The following KIFC3 variants were observed in gnomAD, a reference collection of about 807,000 sequenced individuals.
The protein encoded by KIFC3 is kinesin-like protein KIFC3.
In KIFC3, 60 loss-of-function variants were observed where a neutral mutation model predicts 101.8. That is an observed-to-expected ratio of 0.59 (90% confidence interval 0.48 to 0.73). KIFC3 has a LOEUF of 0.73. Among genes scored for constraint, KIFC3 ranks in the 30% least tolerant of loss-of-function variants. The pLI, the probability that KIFC3 is intolerant of heterozygous loss-of-function variation, is 0.00. For missense variants in KIFC3, 966 were observed against 1,137.1 expected (o/e 0.85, Z 2.16); for synonymous variants, 476 against 482.7 (o/e 0.99, Z 0.18).
At chr16:57,844,540 G>A (rs1343812654) in intron 1 of KIFC3, among the ~76,000 whole-genome samples, 3 of 152,018 alleles carry the variant, frequency 2.0e-5, no homozygotes, top group Non-Finnish European at 4.4e-5. Context: ...GATGCACCCT[G>A]GGGAGGGGGA....
chr16:57,801,721 C>G (rs1346254709), intron 1 of KIFC3, among the ~76,000 whole-genome samples: 2 of 152,218 alleles, frequency 1.3e-5, no homozygotes, highest in Non-Finnish European at 2.9e-5. Flanking sequence ...ACACAGCTTC[C>G]TCTTTAATAT....
intron 1 of KIFC3, among the ~76,000 whole-genome samples, chr16:57,854,908 AAAT>A (rs2056132392): frequency 6.6e-6 from 1 of 152,088 alleles, no homozygotes; most frequent in Admixed American, 6.6e-5. Flanking sequence ...ACACACTTCT[AAAT>A]AATCCATGAA....
At chr16:57,786,100 C>A (rs1433252760) in intron 3 of KIFC3, among the ~76,000 whole-genome samples, 3 of 152,170 alleles carry the variant, frequency 2.0e-5, no homozygotes, top group Non-Finnish European at 4.4e-5. Context: ...AAGAGTGGGG[C>A]TCCCCAGCCT....
At chr16:57,762,921 C>T (rs114953636) in intron 12 of KIFC3, among the ~76,000 whole-genome samples, 6 of 151,894 alleles carry the variant, frequency 4.0e-5, no homozygotes, top group Admixed American at 2.0e-4. Flanking sequence ...CCCTCTGCCC[C>T]GGGTACTCCT....
At position 57,810,661 on chromosome 16, in the gene KIFC3, G is replaced by A. The variant is rs140901453; in HGVS notation, c.109-12379C>T. The stretch of plus-strand genomic sequence containing the variant: ...TGTGCAGGGCCCTGAATGCCAGGAC[G>A]GGAATTTAATCTAATTCAACTTCAG... On this transcript the variant is annotated intron_variant, in intron 1 of 2. Transcript: ENST00000563028. The A allele has an allele frequency of 5.4e-5, 53 of 985,514 alleles. No homozygotes were observed. In the East Asian group the frequency reaches 4.4e-3, roughly 82 times the overall value. The allele number at this position is 985,514 out of a possible 1,614,324, so 61.0% of individuals were successfully genotyped here. A position where few individuals can be genotyped will look rare whatever the true frequency, so the allele number is the denominator to read the frequency against.
chr16:57,802,691 C>T (rs2054821927), upstream of KIFC3: 2 of 890,264 alleles, frequency 2.2e-6, no homozygotes, highest in East Asian at 3.1e-5. The surrounding 1 kb of genome is among the most constrained non-coding windows in gnomAD (Gnocchi z 5.0). Context: ...GCCTCCCACT[C>T]GGTCTCTCCC....
Position 57,771,411 on chromosome 16 carries a change from C to T in KIFC3, c.552G>A (p.Leu184=), listed in dbSNP as rs564061364. 39 of 1,613,520 alleles carry T rather than the reference C, an allele frequency of 2.4e-5. No individual in the cohort carries two copies. The highest frequency in any genetic ancestry group is 3.1e-5 in the Non-Finnish European group (36 of 1,180,050). ...CCGCCATCTCCAGCTGCAGCTGGGA[C>T]AGCTTGTCACGGAGCTGGGCGCTCT... ...SQESAQLRDK[L]SQLQLEMAES... The change falls in exon 6 of 20, where the codon CTG becomes CTA. Residue 184 remains leucine, a synonymous_variant. Transcript: ENST00000445690.
Position 57,761,224 on chromosome 16 carries a change from A to G in KIFC3, c.1873-53T>C. 3 of 1,605,030 alleles carry G rather than the reference A, an allele frequency of 1.9e-6. No homozygotes were observed. The South Asian group carries it at 3.3e-5, about 18-fold the overall frequency. On this transcript the variant is annotated intron_variant, in intron 14 of 19. Coordinates refer to ENST00000445690, the MANE Select transcript of KIFC3 (RefSeq NM_001130100.2). ...ACAGCGTTGAGAATGGGGTCCTCAG[A>G]GTCACCTGGCCCCAAGCACCCATGA...
intron 3 of KIFC3, among the ~76,000 whole-genome samples, chr16:57,790,081 T>TC (rs1555619718): frequency 4.6e-4 from 54 of 116,422 alleles, no homozygotes; most frequent in Admixed American, 9.2e-4. Context: ...TTTCTTTCTT[T>TC]TTTTTTTTTT....
Position 57,760,307 on chromosome 16 carries a change from G to A in KIFC3, c.2342C>T (p.Ser781Phe). The A allele has an allele frequency of 6.2e-7, 1 of 1,613,680 alleles. No homozygotes were observed. The highest frequency in any genetic ancestry group is 1.7e-4 in the Middle Eastern group (1 of 6,054). Residue 781 changes from serine (S) to phenylalanine (F), a missense_variant, in exon 17 of 20, where the codon TCC (serine) becomes TTC (phenylalanine). Physicochemically the swap from Ser to Phe is radical, Grantham distance 155. This residue lies in a region of KIFC3 where 689 missense variants were observed against 884.6 expected (regional missense o/e 0.78). Coordinates refer to ENST00000445690, the MANE Select transcript of KIFC3 (RefSeq NM_001130100.2). Reference sequence around the variant, plus strand: ...CTCTAGATGCTCCTGGCTTGACCAGGACCCAAGCTCTGCCCTGCGTAGCCC... The same window carrying A: ...CTCTAGATGCTCCTGGCTTGACCAGAACCCAAGCTCTGCCCTGCGTAGCCC... ...GPGLRRAELG[S>F]WSSQEHLEWE... is the part of the protein sequence containing the mutation.
rs1244043490 is a variant in KIFC3 at position 57,775,600 on chromosome 16, G to A, written c.316-3312C>T. 1.8e-5 allele frequency: 18 copies of A among 985,644 alleles called. No homozygotes were observed. The African/African-American group carries it at 2.6e-4, about 14-fold the overall frequency. The allele number at this position is 985,644 out of a possible 1,614,324, so 61.1% of individuals were successfully genotyped here. ...CCAAGAGCAGGCAGGGCCTTCCTCA[G>A]GGAAGACTGAGGGCCCTTCACACAC... On this transcript the variant is annotated intron_variant, in intron 3 of 19. Transcript: ENST00000445690.
rs200542097 is a variant in KIFC3 at position 57,771,318 on chromosome 16, C to T, written c.645G>A (p.Val215=). The part of the protein sequence containing the change: ...VQQKTDRLAE[V]ELRLKDCLAE... Reference sequence around the variant, plus strand: ...CCAGGCAGTCCTTGAGTCGCAGCTCCACCTCAGCCAGCCGGTCGGTCTTCT... The same window carrying T: ...CCAGGCAGTCCTTGAGTCGCAGCTCTACCTCAGCCAGCCGGTCGGTCTTCT... The change falls in exon 6 of 20, where the codon GTG becomes GTA. Residue 215 remains valine (V), a synonymous_variant. Transcript: ENST00000445690. 1.2e-6 allele frequency: 2 copies of T among 1,613,524 alleles called. No homozygotes were observed. Among genetic ancestry groups the T allele is most frequent in the South Asian group, 2.2e-5 (2 of 91,096 alleles).
At position 57,760,291 on chromosome 16, in the gene KIFC3, C is replaced by T; in HGVS notation, c.2358G>A (p.Glu786=). 3.7e-6 allele frequency: 6 copies of T among 1,613,074 alleles called. No individual in the cohort carries two copies. The highest frequency in any genetic ancestry group is 5.1e-6 in the Non-Finnish European group (6 of 1,179,480). The change falls in exon 17 of 20, where the codon GAG becomes GAA. Residue 786 remains glutamate, a synonymous_variant. Coordinates refer to ENST00000445690, the MANE Select transcript of KIFC3 (RefSeq NM_001130100.2). ...RAELGSWSSQ[E]HLEWEPACQT... ...GTGACAGTCCCCGTACCTCTAGATG[C>T]TCCTGGCTTGACCAGGACCCAAGCT...
At chr16:57,782,615 CCT>C (rs1803575311) in intron 3 of KIFC3, among the ~76,000 whole-genome samples, 1 of 152,158 alleles carries the variant, frequency 6.6e-6, no homozygotes, top group Admixed American at 6.6e-5. Context: ...AGATACATCC[CCT>C]GAGAAATTTC....
At position 57,790,380 on chromosome 16, in the gene KIFC3, C is replaced by CTT. The variant is rs200519923; in HGVS notation, c.315+4617_315+4618dup. Among the ~76,000 whole-genome samples the CTT allele has an allele frequency of 7.7e-3, 1,000 of 129,118 alleles. 13 individuals are homozygous for CTT. The highest frequency in any genetic ancestry group is 0.013 in the African/African-American group (456 of 34,162). The allele number at this position is 129,118 out of a possible 152,430, so 84.7% of individuals were successfully genotyped here. The stretch of plus-strand genomic sequence containing the variant: ...TACAAGCATGAGCCACCATGCCCAG[C>CTT]TTTTTTTTTTTTTTTTTTCATATCA... On this transcript the variant is annotated intron_variant, in intron 3 of 19. Transcript: ENST00000445690.
At chr16:57,816,514 T>C (rs1439583231) in intron 1 of KIFC3, 2 of 456,730 alleles carry the variant, frequency 4.4e-6, no homozygotes, top group Non-Finnish European at 8.8e-6. Flanking sequence ...TGACGTTCCT[T>C]GTCTGCGCCT....
intron 1 of KIFC3, among the ~76,000 whole-genome samples, chr16:57,829,230 T>C (rs1450203631): frequency 6.6e-6 from 1 of 152,220 alleles, no homozygotes; most frequent in Non-Finnish European, 1.5e-5. Flanking sequence ...TATTTTAGTT[T>C]TTAAAATTAA....
At chr16:57,800,861 T>G (rs2054679232) in intron 1 of KIFC3, among the ~76,000 whole-genome samples, 1 of 152,166 alleles carries the variant, frequency 6.6e-6, no homozygotes, top group African/African-American at 2.4e-5. Flanking sequence ...TGAAACCTGG[T>G]GTCCGGGGAC....
At chr16:57,845,598 GCTCT>G (rs1191195851) in intron 1 of KIFC3, among the ~76,000 whole-genome samples, 1 of 152,044 alleles carries the variant, frequency 6.6e-6, no homozygotes, top group African/African-American at 2.4e-5. Context: ...TATCCACAGG[GCTCT>G]CTCCCTCCCT....
Sources: gnomAD v4.1 joint callset for allele counts (sites outside exome capture counted in the v4.1 genomes callset) on GRCh38, gnomAD v4.1.1 for gene constraint, gnomAD v4.1.1 regional missense constraint, Gnocchi (gnomAD v3.1) non-coding constraint, MANE v1.5 for transcripts, NCBI Gene and HGNC (gene_info 2026-07-23, HGNC 2026-07-21) for gene names.